Variants in SGCZ observed in about 807,000 individuals in gnomAD.
SGCZ encodes the protein zeta-sarcoglycan.
In SGCZ, 40 loss-of-function variants were observed where a neutral mutation model predicts 41.3. The observed-to-expected ratio is 0.97, with a 90% CI of 0.75 to 1.26. SGCZ has a LOEUF of 1.26. Among genes scored for constraint, SGCZ ranks in the 50% most tolerant of loss-of-function variants. SGCZ has a pLI of 0.00. For synonymous variants in SGCZ, 206 were observed against 137.5 expected, an observed-to-expected ratio of 1.50 and a Z score of -3.49; for missense variants, 552 against 369.8, an observed-to-expected ratio of 1.49 and a Z score of -4.04.
intron 2 of SGCZ, among the ~76,000 whole-genome samples, chr8:14,486,223 CT>C (rs1563360785): frequency 1.3e-5 from 2 of 152,170 alleles, no homozygotes; most frequent in Admixed American, 6.5e-5. Context: ...TACACTTCCT[CT>C]CCCCCTTGAA....
chr8:14,182,602 CA>C (rs1381280848), intron 4 of SGCZ, among the ~76,000 whole-genome samples: 1 of 151,660 alleles, frequency 6.6e-6, no homozygotes, highest in Non-Finnish European at 1.5e-5. Flanking sequence ...TTTCTCATAA[CA>C]ATGTAGATGG....
intron 1 of SGCZ, among the ~76,000 whole-genome samples, chr8:14,584,093 G>A (rs967418523): frequency 6.6e-6 from 1 of 151,984 alleles, no homozygotes; most frequent in Non-Finnish European, 1.5e-5. Flanking sequence ...AATATTAAAC[G>A]TTAATATAAA....
At chr8:14,510,713 G>C (rs942960490) in intron 2 of SGCZ, among the ~76,000 whole-genome samples, 2 of 152,132 alleles carry the variant, frequency 1.3e-5, no homozygotes, top group Non-Finnish European at 2.9e-5. Context: ...ACAAGGAAAA[G>C]AATCTGTCTC....
intron 1 of SGCZ, among the ~76,000 whole-genome samples, chr8:14,986,423 T>C (rs1239883172): frequency 6.6e-6 from 1 of 152,090 alleles, no homozygotes; most frequent in African/African-American, 2.4e-5. Context: ...ATTTTCACCA[T>C]TGACTGGTAC....
intron 2 of SGCZ, among the ~76,000 whole-genome samples, chr8:14,476,961 A>G (rs1801379884): frequency 6.6e-6 from 1 of 152,188 alleles, no homozygotes; most frequent in Admixed American, 6.5e-5. Context: ...AGCAGGCTGT[A>G]ACCATACTTG....
intron 1 of SGCZ, among the ~76,000 whole-genome samples, chr8:14,931,015 A>T (rs898067417): frequency 1.3e-4 from 20 of 152,228 alleles, no homozygotes; most frequent in South Asian, 2.1e-4. Flanking sequence ...AAGTATAATT[A>T]AAAAATGTAA....
At chr8:15,102,339 G>A (rs962320783) in intron 1 of SGCZ, among the ~76,000 whole-genome samples, 1 of 152,122 alleles carries the variant, frequency 6.6e-6, no homozygotes, top group East Asian at 1.9e-4. Context: ...AGAATAAAAA[G>A]GTAAGTGGGT....
At chr8:14,951,380 G>C (rs985389331) in intron 1 of SGCZ, among the ~76,000 whole-genome samples, 1 of 151,864 alleles carries the variant, frequency 6.6e-6, no homozygotes, top group Non-Finnish European at 1.5e-5. Flanking sequence ...AATCACTATA[G>C]TGCATGTCAA....
At chr8:14,528,477 C>T (rs1803020454) in intron 2 of SGCZ, among the ~76,000 whole-genome samples, 1 of 151,910 alleles carries the variant, frequency 6.6e-6, no homozygotes, top group Non-Finnish European at 1.5e-5. Flanking sequence ...TTATATGTAC[C>T]AAATAAATGC....
chr8:14,355,089 A>G (rs1172012123), intron 2 of SGCZ, among the ~76,000 whole-genome samples: 2 of 152,012 alleles, frequency 1.3e-5, no homozygotes, highest in Non-Finnish European at 2.9e-5. Flanking sequence ...CCTTAAATTC[A>G]AATATGTTAT....
chr8:15,196,437 A>G (rs1189233574), intron 1 of SGCZ, among the ~76,000 whole-genome samples: 5 of 152,222 alleles, frequency 3.3e-5, no homozygotes, highest in African/African-American at 1.2e-4. Flanking sequence ...CATGAAAGCT[A>G]GAATACATGA....
intron 1 of SGCZ, among the ~76,000 whole-genome samples, chr8:14,651,873 G>A (rs927154121): frequency 6.6e-6 from 1 of 151,602 alleles, no homozygotes; most frequent in African/African-American, 2.4e-5. Context: ...TATATTTTCA[G>A]AAAATTGAGA....
At chr8:14,880,804 G>C (rs148917192) in intron 1 of SGCZ, among the ~76,000 whole-genome samples, 110 of 152,214 alleles carry the variant, frequency 7.2e-4, no homozygotes, top group African/African-American at 2.6e-3. Flanking sequence ...GACCTGTTGT[G>C]GGGTCAGGGG....
At position 14,713,278 on chromosome 8, in the gene SGCZ, A is replaced by G. The variant is rs1414259737; in HGVS notation, c.40-158352T>C. Among the ~76,000 whole-genome samples the G allele has an allele frequency of 5.9e-5, 9 of 152,206 alleles. No homozygotes were observed. The South Asian group carries it at 1.4e-3, about 24-fold the overall frequency. ...CAAATTAAAATTCAAAAACTTCAAC[A>G]TTGCAGAGTAACTTACATTTTCAGA... On this transcript the variant is annotated intron_variant, in intron 1 of 7. Coordinates refer to ENST00000382080, the MANE Select transcript of SGCZ (RefSeq NM_139167.4).
intron 1 of SGCZ, among the ~76,000 whole-genome samples, chr8:14,937,561 GA>G (rs1800124959): frequency 1.3e-5 from 2 of 151,990 alleles, no homozygotes; most frequent in African/African-American, 4.8e-5. Flanking sequence ...AAAAATTTGA[GA>G]GGGAAGGAAA....
intron 1 of SGCZ, among the ~76,000 whole-genome samples, chr8:15,012,194 G>A (rs978668434): frequency 1.3e-4 from 20 of 151,982 alleles, no homozygotes; most frequent in Non-Finnish European, 2.9e-5. Flanking sequence ...TGGGCATGGT[G>A]GTGGATGCCT....
chr8:14,781,697 A>T (rs550003992), intron 1 of SGCZ, among the ~76,000 whole-genome samples: 1 of 152,324 alleles, frequency 6.6e-6, no homozygotes, highest in South Asian at 2.1e-4. Flanking sequence ...ACATCTAATA[A>T]ATCTCATAAA....
intron 1 of SGCZ, among the ~76,000 whole-genome samples, chr8:14,775,096 G>A (rs780565382): frequency 6.6e-6 from 1 of 152,082 alleles, no homozygotes; most frequent in Non-Finnish European, 1.5e-5. Context: ...CTAAACAAAT[G>A]TACAAAAAGG....
intron 5 of SGCZ, among the ~76,000 whole-genome samples, chr8:14,128,020 G>A (rs1802918835): frequency 6.6e-6 from 1 of 152,090 alleles, no homozygotes; most frequent in Non-Finnish European, 1.5e-5. Flanking sequence ...AGAATATACG[G>A]TATTTGGTTT....
Sources: gnomAD v4.1 joint callset for allele counts (sites outside exome capture counted in the v4.1 genomes callset) on GRCh38, gnomAD v4.1.1 for gene constraint, MANE v1.5 for transcripts, NCBI Gene and HGNC (gene_info 2026-07-23, HGNC 2026-07-21) for gene names.